PPFIBP2: variants seen among roughly 807,000 people sequenced by gnomAD.
PPFIBP2 encodes the protein liprin-beta-2.
PPFIBP2 carries 118 observed loss-of-function variants against 118.3 expected under a neutral mutation model. The ratio of observed to expected loss-of-function variants is 1.00; its 90% CI spans 0.86 to 1.16. The LOEUF (loss-of-function observed/expected upper bound fraction) is 1.16, where lower values mean the gene tolerates loss of function less well. Among genes scored for constraint, PPFIBP2 ranks in the 50% most tolerant of loss-of-function variants. The pLI is 0.00. For synonymous variants in PPFIBP2, 414 were observed against 397.4 expected (o/e 1.04, Z -0.50); for missense variants, 1,195 against 1,073.1 (o/e 1.11, Z -1.59).
chr11:7,605,896 G>A (rs1198509042), intron 5 of PPFIBP2: 30 of 1,505,970 alleles, frequency 2.0e-5, no homozygotes, highest in East Asian at 2.5e-5. Flanking sequence ...GAAGCTGAAC[G>A]AAATGGAAAG....
downstream of PPFIBP2, chr11:7,656,867 C>T (rs563830044): frequency 6.4e-5 from 73 of 1,139,744 alleles, no homozygotes; most frequent in Admixed American, 2.1e-4. Flanking sequence ...CTGTGGGGAG[C>T]GGGCACACAG....
chr11:7,530,231 C>T (rs1850573239), intron 1 of PPFIBP2, among the ~76,000 whole-genome samples: 1 of 152,130 alleles, frequency 6.6e-6, no homozygotes, highest in African/African-American at 2.4e-5. Flanking sequence ...TCTGACTAAC[C>T]CTGTGTAAGG....
chr11:7,542,272 C>A (rs191282120), intron 1 of PPFIBP2, among the ~76,000 whole-genome samples: 29 of 152,316 alleles, frequency 1.9e-4, no homozygotes, highest in African/African-American at 6.5e-4. Flanking sequence ...GTTGGATAAA[C>A]CCTTAGCAAA....
chr11:7,662,205 T>G, the PPFIBP2 span, among the ~76,000 whole-genome samples: 2 of 152,014 alleles, frequency 1.3e-5, no homozygotes, highest in Admixed American at 6.6e-5. Context: ...GTTAGCTGGT[T>G]ATTTTGCTCG....
At chr11:7,648,027 A>G (rs1048479332) in intron 17 of PPFIBP2, 2 of 165,232 alleles carry the variant, frequency 1.2e-5, no homozygotes, top group Non-Finnish European at 2.6e-5. Context: ...GCATTTTCCT[A>G]AAAAGATGAT....
At chr11:7,570,207 C>T (rs72849624) in intron 3 of PPFIBP2, among the ~76,000 whole-genome samples, 3,467 of 152,212 alleles carry the variant, frequency 0.023, 44 homozygotes, top group Middle Eastern at 0.041. Context: ...AAACCTTAGA[C>T]AGGATAGCCA....
intron 18 of PPFIBP2, 119 bp downstream of exon 18, chr11:7,648,656 C>A: frequency 6.7e-7 from 1 of 1,490,700 alleles, no homozygotes; most frequent in Non-Finnish European, 9.3e-7. Context: ...GCTGAGAGTT[C>A]CTCTGTAGCT....
At chr11:7,554,028 T>C (rs1432556269) in intron 2 of PPFIBP2, among the ~76,000 whole-genome samples, 2 of 151,448 alleles carry the variant, frequency 1.3e-5, no homozygotes, top group African/African-American at 4.9e-5. Flanking sequence ...CTAAAGAAGT[T>C]TGAAAACTGG....
At chr11:7,651,062 A>C (rs1198453348) in intron 22 of PPFIBP2, 97 bp downstream of exon 22, 2 of 1,302,756 alleles carry the variant, frequency 1.5e-6, no homozygotes, top group Non-Finnish European at 1.1e-6. Context: ...AACGAAAAAA[A>C]ATAGGTACTT....
chr11:7,657,894 C>A (rs148216816), downstream of PPFIBP2, among the ~76,000 whole-genome samples: 295 of 152,344 alleles, frequency 1.9e-3, 2 homozygotes, highest in African/African-American at 6.8e-3. Flanking sequence ...AGCACCTGCT[C>A]TGCACTGGCT....
chr11:7,633,161 C>T (rs1565095343), intron 12 of PPFIBP2, among the ~76,000 whole-genome samples: 1 of 152,184 alleles, frequency 6.6e-6, no homozygotes, highest in Non-Finnish European at 1.5e-5. Flanking sequence ...GAGAAAGGAT[C>T]TGGCCAAGGA....
In PPFIBP2 at chr11:7,527,931, A is replaced by G. The variant is rs150141061; in HGVS notation, c.-37+13810A>G. Among the ~76,000 whole-genome samples, 1,021 of 152,294 alleles carry G rather than the reference A, an allele frequency of 6.7e-3. 14 individuals carry two copies. The highest frequency in any genetic ancestry group is 0.023 in the African/African-American group (955 of 41,552). The stretch of plus-strand genomic sequence containing the variant: ...ACCCATCATGCATCAGGCATTGAGC[A>G]CAGAGTCTGTGCTCACTTAAATTTC... On this transcript the variant is annotated intron_variant, in intron 1 of 23. Coordinates refer to ENST00000299492, the MANE Select transcript of PPFIBP2 (RefSeq NM_003621.5).
chr11:7,559,526 T>C (rs1321407059), intron 2 of PPFIBP2, among the ~76,000 whole-genome samples: 1 of 152,162 alleles, frequency 6.6e-6, no homozygotes, highest in East Asian at 1.9e-4. Context: ...AGTCAGTGCA[T>C]AGTAGAAATT....
At chr11:7,648,748 G>A (rs1182519953) in intron 18 of PPFIBP2, 52 bp from the exon 19 acceptor site, 16 of 1,559,882 alleles carry the variant, frequency 1.0e-5, no homozygotes, top group Non-Finnish European at 1.4e-5. Context: ...TTTCTCTGAG[G>A]GCCAAATTGC....
intron 2 of PPFIBP2, among the ~76,000 whole-genome samples, chr11:7,560,419 C>T (rs890637394): frequency 6.6e-6 from 1 of 151,740 alleles, no homozygotes; most frequent in African/African-American, 2.4e-5. Context: ...ATATATATAC[C>T]ATATACATAT....
In PPFIBP2 at chr11:7,648,456, G is replaced by A; in HGVS notation, c.1716G>A (p.Leu572=). The change falls in exon 18 of 24, where the codon CTG becomes CTA. Residue 572 remains leucine, a synonymous_variant. Coordinates refer to ENST00000299492, the MANE Select transcript of PPFIBP2 (RefSeq NM_003621.5). ...RVCAWLEDFG[L]AQYVIFARQW... is the part of the protein sequence containing the mutation. Reference sequence around the variant, plus strand: ...GTGCATGGCTGGAGGACTTTGGCCTGGCTCAGTATGTGATCTTTGCCAGGC... The same window carrying A: ...GTGCATGGCTGGAGGACTTTGGCCTAGCTCAGTATGTGATCTTTGCCAGGC... The A allele has an allele frequency of 1.2e-6, 2 of 1,614,122 alleles. No individual in the cohort carries two copies. Among genetic ancestry groups the A allele is most frequent in the Non-Finnish European group, 1.7e-6 (2 of 1,180,032 alleles).
At chr11:7,598,137 A>G (rs929561907) in intron 5 of PPFIBP2, 55 of 158,786 alleles carry the variant, frequency 3.5e-4, no homozygotes, top group Admixed American at 2.4e-3. Context: ...AGATATCAAA[A>G]TGGAAAAAGA....
At chr11:7,615,397 T>C (rs887129661) in intron 6 of PPFIBP2, among the ~76,000 whole-genome samples, 7 of 149,072 alleles carry the variant, frequency 4.7e-5, no homozygotes, top group African/African-American at 7.4e-5. Context: ...TGGACAGACA[T>C]ACCAGAAAAC....
intron 17 of PPFIBP2, among the ~76,000 whole-genome samples, chr11:7,646,293 T>G (rs1853050906): frequency 6.6e-6 from 1 of 152,260 alleles, no homozygotes. Flanking sequence ...GCCATAGCGT[T>G]AGAAAACTTG....
Sources: allele counts gnomAD v4.1 joint callset (sites outside exome capture counted in the v4.1 genomes callset), GRCh38; gene constraint gnomAD v4.1.1; transcripts MANE v1.5; gene names NCBI Gene and HGNC (gene_info 2026-07-23, HGNC 2026-07-21).